Variants in NKAIN2 observed in about 807,000 individuals in gnomAD.
NKAIN2 encodes sodium/potassium-transporting ATPase subunit beta-1-interacting protein 2.
NKAIN2 carries 14 observed loss-of-function variants against 32.6 expected under a neutral mutation model. That is an observed-to-expected ratio of 0.43 (90% CI 0.28 to 0.67). The LOEUF is 0.67. Among genes scored for constraint, NKAIN2 ranks in the 30% least tolerant of loss-of-function variants. NKAIN2 has a pLI of 0.17. For missense variants in NKAIN2, 198 were observed against 258.3 expected, an observed-to-expected ratio of 0.77 and a Z score of 1.60; for synonymous variants, 80 against 87.2, an observed-to-expected ratio of 0.92 and a Z score of 0.46.
intron 3 of NKAIN2, among the ~76,000 whole-genome samples, chr6:124,624,449 A>G (rs1437481101): frequency 6.6e-6 from 1 of 152,192 alleles, no homozygotes; most frequent in Non-Finnish European, 1.5e-5. Flanking sequence ...GATTACACCA[A>G]TTAAAGTGAT....
chr6:124,383,930 C>G (rs74324345), intron 3 of NKAIN2, among the ~76,000 whole-genome samples: 3,626 of 152,244 alleles, frequency 0.024, 60 homozygotes, highest in Non-Finnish European at 0.034. Context: ...CTCTCAGTCT[C>G]TCCATTAGGG....
intron 3 of NKAIN2, among the ~76,000 whole-genome samples, chr6:124,463,030 G>A (rs1035437866): frequency 6.6e-6 from 1 of 152,054 alleles, no homozygotes; most frequent in African/African-American, 2.4e-5. Context: ...AGCCAACAGA[G>A]TGATGATTCC....
intron 1 of NKAIN2, among the ~76,000 whole-genome samples, chr6:123,820,128 A>G (rs1773863831): frequency 6.6e-6 from 1 of 152,186 alleles, no homozygotes; most frequent in Non-Finnish European, 1.5e-5. Context: ...CAAAATAAAA[A>G]TCTTTCAAAA....
chr6:123,835,890 C>G (rs1183325867), intron 1 of NKAIN2, among the ~76,000 whole-genome samples: 1 of 152,110 alleles, frequency 6.6e-6, no homozygotes, highest in Non-Finnish European at 1.5e-5. Context: ...TTACCCCAGT[C>G]TCTGTTGTGA....
intron 3 of NKAIN2, among the ~76,000 whole-genome samples, chr6:124,466,427 G>A (rs1776757969): frequency 6.6e-6 from 1 of 151,994 alleles, no homozygotes; most frequent in Non-Finnish European, 1.5e-5. Flanking sequence ...TGTTATAAAG[G>A]TCACCTGCCC....
At chr6:124,505,134 C>A (rs1338435286) in intron 3 of NKAIN2, among the ~76,000 whole-genome samples, 1 of 151,940 alleles carries the variant, frequency 6.6e-6, no homozygotes, top group Non-Finnish European at 1.5e-5. Flanking sequence ...AGATCTAAAG[C>A]GAAAACAAAA....
At chr6:123,942,758 A>C (rs1191611331) in intron 1 of NKAIN2, among the ~76,000 whole-genome samples, 2 of 152,022 alleles carry the variant, frequency 1.3e-5, no homozygotes, top group African/African-American at 4.8e-5. Context: ...CTGGCTTCTT[A>C]AACATAATCC....
chr6:124,590,079 A>C (rs143401989), intron 3 of NKAIN2, among the ~76,000 whole-genome samples: 55 of 152,164 alleles, frequency 3.6e-4, no homozygotes, highest in African/African-American at 1.3e-3. Flanking sequence ...ATTCCTTTCT[A>C]TTGTGCTGCT....
In NKAIN2 at chr6:124,398,270, AAAAAAAAAAAAAGAT is replaced by A. The variant is rs1410757749; in HGVS notation, c.273+42924_273+42938del. Among the ~76,000 whole-genome samples the A allele has an allele frequency of 3.2e-4, 47 of 148,820 alleles. 1 individual carries two copies. Among genetic ancestry groups the A allele is most frequent in the African/African-American group, 1.1e-3 (43 of 39,688 alleles). On this transcript the variant is annotated intron_variant, in intron 3 of 6. Transcript: ENST00000368417. ...TGCATCTCAAAAAAAAAAAAAAAAA[AAAAAAAAAAAAAGAT>A]GAGCCCAAATTACAGAATCTCAAAT...
intron 1 of NKAIN2, among the ~76,000 whole-genome samples, chr6:124,176,326 A>G (rs1448576086): frequency 6.6e-6 from 1 of 152,186 alleles, no homozygotes; most frequent in Admixed American, 6.5e-5. Flanking sequence ...TTAAAAAAGT[A>G]TGCCCATAGT....
chr6:124,414,140 C>A (rs1465716224), intron 3 of NKAIN2, among the ~76,000 whole-genome samples: 2 of 151,826 alleles, frequency 1.3e-5, no homozygotes, highest in African/African-American at 4.8e-5. Flanking sequence ...CAGGGTTTTA[C>A]CATTAAATAG....
intron 4 of NKAIN2, among the ~76,000 whole-genome samples, chr6:124,762,612 T>G (rs1398527110): frequency 6.6e-6 from 1 of 152,216 alleles, no homozygotes; most frequent in Non-Finnish European, 1.5e-5. Context: ...GATATTTGAT[T>G]GTTATTTTGT....
rs200431208 is a variant in NKAIN2, at chr6:124,657,554, TA to T, written c.274-626del. Among the ~76,000 whole-genome samples the T allele has an allele frequency of 7.8e-3, 1,190 of 152,218 alleles. 10 individuals carry two copies. The highest frequency in any genetic ancestry group is 0.026 in the African/African-American group (1,079 of 41,532). On this transcript the variant is annotated intron_variant, in intron 3 of 6. Coordinates refer to ENST00000368417, the MANE Select transcript of NKAIN2 (RefSeq NM_001040214.3). ...ACAAGAATTTGATAATAATATTTCC[TA>T]AAAAATATTTACTTCTTAATTCTTA... is the stretch of plus-strand genomic sequence containing the variant.
intron 1 of NKAIN2, among the ~76,000 whole-genome samples, chr6:124,054,277 A>G (rs1228367635): frequency 6.6e-6 from 1 of 152,072 alleles, no homozygotes; most frequent in Non-Finnish European, 1.5e-5. Flanking sequence ...GTGTCATTGC[A>G]CTGGCACACT....
chr6:123,928,318 G>A (rs1776101615), intron 1 of NKAIN2, among the ~76,000 whole-genome samples: 1 of 152,116 alleles, frequency 6.6e-6, no homozygotes, highest in Admixed American at 6.6e-5. Context: ...CACTGCCTGG[G>A]TGATGGAATC....
At chr6:124,325,544 C>A (rs1355019368) in intron 2 of NKAIN2, among the ~76,000 whole-genome samples, 1 of 151,938 alleles carries the variant, frequency 6.6e-6, no homozygotes, top group Non-Finnish European at 1.5e-5. Flanking sequence ...TAGATGTATT[C>A]ATAAAAAATA....
At chr6:124,775,516 A>G (rs1195450654) in intron 4 of NKAIN2, among the ~76,000 whole-genome samples, 1 of 152,216 alleles carries the variant, frequency 6.6e-6, no homozygotes, top group African/African-American at 2.4e-5. Context: ...GGAGATTTTG[A>G]CCATCCAGAG....
intron 3 of NKAIN2, among the ~76,000 whole-genome samples, chr6:124,521,198 C>T (rs535235544): frequency 6.6e-6 from 1 of 152,128 alleles, no homozygotes; most frequent in Non-Finnish European, 1.5e-5. Context: ...GACATCGTCG[C>T]CTTGTTCCCA....
chr6:123,906,149 T>G (rs1774854968), intron 1 of NKAIN2, among the ~76,000 whole-genome samples: 1 of 152,214 alleles, frequency 6.6e-6, no homozygotes, highest in Admixed American at 6.5e-5. Flanking sequence ...AAAATCTTCC[T>G]TGATCTCATG....
Sources: gnomAD v4.1 joint callset for allele counts (sites outside exome capture counted in the v4.1 genomes callset) on GRCh38, gnomAD v4.1.1 for gene constraint, MANE v1.5 for transcripts, NCBI Gene and HGNC (gene_info 2026-07-23, HGNC 2026-07-21) for gene names.